LTBP1: variants seen among roughly 807,000 people sequenced by gnomAD.
LTBP1 encodes the protein latent-transforming growth factor beta-binding protein 1.
LTBP1 carries 129 observed loss-of-function variants against 207.6 expected under a neutral mutation model. That is an observed-to-expected ratio of 0.62 (90% CI 0.54 to 0.72). The LOEUF (loss-of-function observed/expected upper bound fraction) is 0.72. Among genes scored for constraint, LTBP1 ranks in the 30% least tolerant of loss-of-function variants. The pLI is 0.00. For missense variants in LTBP1, 2,281 were observed against 2,217.2 expected (o/e 1.03, Z -0.58); for synonymous variants, 963 against 833.7 (o/e 1.16, Z -2.67).
chr2:33,034,827 T>C (rs1294934927), intron 3 of LTBP1, among the ~76,000 whole-genome samples: 1 of 152,112 alleles, frequency 6.6e-6, no homozygotes, highest in Non-Finnish European at 1.5e-5. Context: ...GAAATATCCA[T>C]GCCAATCAAT....
At chr2:33,334,913 T>TAAAAA (rs773724430) in intron 24 of LTBP1, among the ~76,000 whole-genome samples, 1,925 of 128,232 alleles carry the variant, frequency 0.015, 17 homozygotes, top group East Asian at 0.023. Flanking sequence ...TACTAAAAAT[T>TAAAAA]AAAAAAAAAA....
chr2:33,230,982 G>A (rs750383403), intron 9 of LTBP1, among the ~76,000 whole-genome samples: 2 of 152,238 alleles, frequency 1.3e-5, no homozygotes, highest in South Asian at 2.1e-4. Flanking sequence ...ATGTATATTC[G>A]TTTTTCATAG....
chr2:33,106,426 C>G (rs2080070771), intron 3 of LTBP1, among the ~76,000 whole-genome samples: 1 of 152,194 alleles, frequency 6.6e-6, no homozygotes, highest in Non-Finnish European at 1.5e-5. Context: ...CAGCTGGAGC[C>G]TTAAGCAATG....
At chr2:32,991,163 A>G (rs1479119066) in intron 2 of LTBP1, among the ~76,000 whole-genome samples, 2 of 152,216 alleles carry the variant, frequency 1.3e-5, no homozygotes, top group African/African-American at 4.8e-5. Flanking sequence ...AAAAGTTACG[A>G]AACAGAAGAT....
chr2:33,368,467 G>T (rs1252551416), intron 31 of LTBP1, among the ~76,000 whole-genome samples: 1 of 152,204 alleles, frequency 6.6e-6, no homozygotes, highest in East Asian at 1.9e-4. Flanking sequence ...TTCCCTTTGG[G>T]TAGGTACCCA....
At position 33,122,922 on chromosome 2, in the gene LTBP1, C is replaced by G. The variant is rs1440118726; in HGVS notation, c.1034-11871C>G. ...AATGTGCACCCCCTTGTTTTGTAGG[C>G]AAGAGACCTCAGCTAATACAAGTTC... On this transcript the variant is annotated intron_variant, in intron 4 of 33. Coordinates refer to ENST00000404816, the MANE Select transcript of LTBP1 (RefSeq NM_206943.4). Among the ~76,000 whole-genome samples the G allele has an allele frequency of 2.6e-5, 4 of 152,302 alleles. No homozygotes were observed. In the East Asian group the frequency reaches 7.7e-4, roughly 29 times the overall value.
chr2:32,948,280 A>G (rs1676576764), intron 1 of LTBP1, among the ~76,000 whole-genome samples: 1 of 152,242 alleles, frequency 6.6e-6, no homozygotes, highest in Non-Finnish European at 1.5e-5. Context: ...TTGCAGCATC[A>G]GAGAAATCAT....
intron 2 of LTBP1, among the ~76,000 whole-genome samples, chr2:32,958,800 G>A (rs17324194): frequency 0.11 from 17,056 of 152,120 alleles, 1,127 homozygotes; most frequent in Middle Eastern, 0.16. Context: ...ACTGCTGATT[G>A]TGACAGCTTT....
At chr2:33,077,147 A>G (rs1206746968) in intron 3 of LTBP1, among the ~76,000 whole-genome samples, 2 of 152,210 alleles carry the variant, frequency 1.3e-5, no homozygotes, top group African/African-American at 2.4e-5. Flanking sequence ...AATGTTCCAT[A>G]TAAGCTTCAC....
intron 7 of LTBP1, among the ~76,000 whole-genome samples, chr2:33,202,177 C>G (rs996632352): frequency 6.6e-6 from 1 of 152,108 alleles, no homozygotes; most frequent in African/African-American, 2.4e-5. Flanking sequence ...GGAAAGTATC[C>G]TAATTGCATG....
intron 3 of LTBP1, among the ~76,000 whole-genome samples, chr2:33,060,691 A>G (rs1342305602): frequency 6.6e-6 from 1 of 151,170 alleles, no homozygotes; most frequent in Non-Finnish European, 1.5e-5. Context: ...AAAGAAATGC[A>G]TTTGTCATGG....
intron 2 of LTBP1, among the ~76,000 whole-genome samples, chr2:32,983,317 C>T (rs146957482): frequency 1.6e-3 from 249 of 152,298 alleles, no homozygotes; most frequent in Non-Finnish European, 1.5e-3. Flanking sequence ...AATGCCTGTA[C>T]CCTCATTGTA....
chr2:33,070,232 T>C (rs1159048692), intron 3 of LTBP1, among the ~76,000 whole-genome samples: 2 of 152,242 alleles, frequency 1.3e-5, no homozygotes, highest in Non-Finnish European at 2.9e-5. Context: ...TGTTTTTCCT[T>C]TGAAAAGTTT....
rs2080902251 is a variant in LTBP1, at chr2:33,118,451, A to G, written c.1033+7700A>G. ...GCGAGTTCCTTAAGCTCCTTGTCCCATGCTCAATTCTGTATGGGAATCGGG... is the reference window on the plus strand; with the variant it reads ...GCGAGTTCCTTAAGCTCCTTGTCCCGTGCTCAATTCTGTATGGGAATCGGG... On this transcript the variant is annotated intron_variant, in intron 4 of 33. Coordinates refer to ENST00000404816, the MANE Select transcript of LTBP1 (RefSeq NM_206943.4). 3.3e-5 allele frequency among the ~76,000 whole-genome samples: 5 copies of G among 152,194 alleles called. No individual in the cohort carries two copies. In the South Asian group the frequency reaches 8.3e-4, roughly 25 times the overall value.
chr2:33,073,990 T>C (rs2077941458), intron 3 of LTBP1, among the ~76,000 whole-genome samples: 1 of 152,224 alleles, frequency 6.6e-6, no homozygotes, highest in African/African-American at 2.4e-5. Flanking sequence ...TGTAAGGTGA[T>C]ATACAGGTAT....
At chr2:33,226,190 G>A (rs1472939177) in intron 9 of LTBP1, among the ~76,000 whole-genome samples, 1 of 152,106 alleles carries the variant, frequency 6.6e-6, no homozygotes, top group Non-Finnish European at 1.5e-5. Flanking sequence ...ATTATGGAAT[G>A]GATTTTTTTC....
Position 32,948,961 on chromosome 2 carries a change from CA to C in LTBP1, c.565+17del. On this transcript the variant is annotated intron_variant, in intron 2 of 33. Coordinates refer to ENST00000404816, the MANE Select transcript of LTBP1 (RefSeq NM_206943.4). ...TGCACCAAACGTAAGTTGCCATGTT[CA>C]CAGTGGCCCTGCACAGTAGGCAAAG... The C allele has an allele frequency of 6.2e-7, 1 of 1,613,830 alleles. No individual in the cohort carries two copies. The highest frequency in any genetic ancestry group is 8.5e-7 in the Non-Finnish European group (1 of 1,179,742).
chr2:33,047,071 A>G (rs988134510), intron 3 of LTBP1, among the ~76,000 whole-genome samples: 1 of 151,938 alleles, frequency 6.6e-6, no homozygotes, highest in African/African-American at 2.4e-5. Context: ...CAGCTCCTGG[A>G]TTCATTGATT....
chr2:33,231,428 C>G (rs1172540250), intron 9 of LTBP1, among the ~76,000 whole-genome samples: 3 of 152,118 alleles, frequency 2.0e-5, no homozygotes. Flanking sequence ...GATAATGTAC[C>G]TGTTTTCAGG....
Sources: allele counts gnomAD v4.1 joint callset (sites outside exome capture counted in the v4.1 genomes callset), GRCh38; gene constraint gnomAD v4.1.1; transcripts MANE v1.5; gene names NCBI Gene and HGNC (gene_info 2026-07-23, HGNC 2026-07-21).